VRK2: variants seen among roughly 807,000 people sequenced by gnomAD.
VRK2 encodes the protein VRK serine/threonine kinase 2.
Under a neutral mutation model 57.6 loss-of-function variants are expected in VRK2, and 60 were observed. The ratio of observed to expected loss-of-function variants is 1.04; its 90% CI spans 0.85 to 1.29. The LOEUF (loss-of-function observed/expected upper bound fraction) is 1.29, where lower values mean the gene tolerates loss of function less well. Ranked by LOEUF, VRK2 falls within the 50% of genes most tolerant of loss-of-function variation. The probability of loss-of-function intolerance (pLI) is 0.00; values close to 1 mark genes in which losing one functional copy is unlikely to be tolerated. For missense variants in VRK2, 705 were observed against 588.1 expected (o/e 1.20, Z -2.06); for synonymous variants, 231 against 199.2 (o/e 1.16, Z -1.35).
At chr2:58,093,692 G>T (rs1672703146) in intron 7 of VRK2, among the ~76,000 whole-genome samples, 3 of 152,130 alleles carry the variant, frequency 2.0e-5, no homozygotes, top group South Asian at 4.1e-4. Flanking sequence ...GTCAATTTTG[G>T]CTTTTGTTGC....
intron 1 of VRK2, among the ~76,000 whole-genome samples, chr2:57,913,790 T>C (rs2103888570): frequency 6.6e-6 from 1 of 152,222 alleles, no homozygotes; most frequent in East Asian, 1.9e-4. Flanking sequence ...ATTTTTTTCA[T>C]GCCAAACTGT....
At chr2:58,026,320 A>G (rs1249672973) in intron 2 of VRK2, among the ~76,000 whole-genome samples, 2 of 152,030 alleles carry the variant, frequency 1.3e-5, no homozygotes, top group African/African-American at 4.8e-5. Flanking sequence ...ATGTGTGAGA[A>G]AGAGAAAGTG....
intron 3 of VRK2, among the ~76,000 whole-genome samples, chr2:58,040,881 G>T (rs1240136723): frequency 1.3e-5 from 2 of 152,178 alleles, no homozygotes; most frequent in Non-Finnish European, 2.9e-5. Context: ...GGATGTTGTT[G>T]CAATTGCATG....
At chr2:57,967,473 A>C (rs1671959838) in intron 1 of VRK2, among the ~76,000 whole-genome samples, 1 of 152,048 alleles carries the variant, frequency 6.6e-6, no homozygotes, top group Non-Finnish European at 1.5e-5. Context: ...GGTTTTTAAC[A>C]TTCAGTACTA....
At chr2:57,962,081 C>A (rs538813316) in intron 1 of VRK2, among the ~76,000 whole-genome samples, 1 of 152,160 alleles carries the variant, frequency 6.6e-6, no homozygotes, top group South Asian at 2.1e-4. Flanking sequence ...GTCTCTAAAA[C>A]AAACAAACAA....
chr2:58,043,227 A>G (rs892474738), upstream of VRK2, among the ~76,000 whole-genome samples: 2 of 152,194 alleles, frequency 1.3e-5, no homozygotes, highest in Non-Finnish European at 2.9e-5. Context: ...ATATGAAAAT[A>G]TGGTGGTTCA....
chr2:58,010,515 T>C (rs2103646221), intron 1 of VRK2, among the ~76,000 whole-genome samples: 1 of 152,210 alleles, frequency 6.6e-6, no homozygotes, highest in South Asian at 2.1e-4. Context: ...ACTCAATGGA[T>C]AAGGGCAACT....
chr2:58,031,344 G>T (rs1462705293), intron 2 of VRK2, among the ~76,000 whole-genome samples: 1 of 151,948 alleles, frequency 6.6e-6, no homozygotes, highest in East Asian at 1.9e-4. Context: ...GAGAGGCTTT[G>T]TTCCCGTGTC....
At chr2:58,150,560 T>C (rs1046912847) in intron 12 of VRK2, among the ~76,000 whole-genome samples, 7 of 128,778 alleles carry the variant, frequency 5.4e-5, no homozygotes, top group Admixed American at 2.1e-4. Context: ...TTTTTTTTTT[T>C]AGTTTTTTTT....
intron 2 of VRK2, among the ~76,000 whole-genome samples, chr2:58,053,262 T>G (rs1251683585): frequency 1.3e-5 from 2 of 152,240 alleles, no homozygotes; most frequent in African/African-American, 2.4e-5. Context: ...TAGCAATATC[T>G]TTTATAAAGA....
chr2:58,020,972 A>C (rs980004989), intron 1 of VRK2, among the ~76,000 whole-genome samples: 1 of 152,202 alleles, frequency 6.6e-6, no homozygotes, highest in African/African-American at 2.4e-5. Context: ...AAAATGGATA[A>C]AACTAAAAAT....
intron 1 of VRK2, among the ~76,000 whole-genome samples, chr2:57,990,541 TC>T (rs1672731610): frequency 6.6e-6 from 1 of 152,126 alleles, no homozygotes; most frequent in Admixed American, 6.5e-5. Flanking sequence ...ATACTTATCA[TC>T]AAAAAGATCA....
chr2:58,158,498 T>G (rs1427691416), intron 12 of VRK2, among the ~76,000 whole-genome samples: 7 of 152,136 alleles, frequency 4.6e-5, no homozygotes. Context: ...GTTTAAAGGT[T>G]GAGAAGGTAG....
At chr2:58,061,385 C>A (rs772966354) in intron 2 of VRK2, among the ~76,000 whole-genome samples, 3 of 151,674 alleles carry the variant, frequency 2.0e-5, no homozygotes, top group Non-Finnish European at 4.4e-5. Flanking sequence ...TGGCCAAAGA[C>A]AGCAAAGAAA....
chr2:58,106,511 TG>T, intron 7 of VRK2, among the ~76,000 whole-genome samples: 1 of 152,046 alleles, frequency 6.6e-6, no homozygotes, highest in Non-Finnish European at 1.5e-5. Flanking sequence ...GTCATAGTCT[TG>T]GTCCTAATGG....
At chr2:57,916,594 G>GT (rs1301834818) in intron 1 of VRK2, among the ~76,000 whole-genome samples, 2 of 151,824 alleles carry the variant, frequency 1.3e-5, no homozygotes, top group Non-Finnish European at 2.9e-5. Flanking sequence ...TATGATATTG[G>GT]TTTTCAATTT....
chr2:57,986,883 A>G (rs187178410), intron 1 of VRK2, among the ~76,000 whole-genome samples: 2 of 152,246 alleles, frequency 1.3e-5, no homozygotes, highest in Non-Finnish European at 2.9e-5. Flanking sequence ...ACAGGCATAA[A>G]CCATCGTGCC....
intron 11 of VRK2, among the ~76,000 whole-genome samples, chr2:58,144,214 G>A (rs1681773760): frequency 6.6e-6 from 1 of 151,880 alleles, no homozygotes; most frequent in Non-Finnish European, 1.5e-5. Flanking sequence ...TGAAAGCAGA[G>A]CATAGAACAG....
At chr2:57,978,460 T>A (rs1672316291) in intron 1 of VRK2, among the ~76,000 whole-genome samples, 1 of 150,970 alleles carries the variant, frequency 6.6e-6, no homozygotes, top group South Asian at 2.1e-4. Context: ...ACTTGCTTAA[T>A]AAACATTTTA....
Sources: gnomAD v4.1 joint callset for allele counts (sites outside exome capture counted in the v4.1 genomes callset) on GRCh38, gnomAD v4.1.1 for gene constraint, MANE v1.5 for transcripts, NCBI Gene and HGNC (gene_info 2026-07-23, HGNC 2026-07-21) for gene names.